COL11A1: variants seen among roughly 807,000 people sequenced by gnomAD.
COL11A1 encodes collagen alpha-1(XI) chain.
A neutral mutation model predicts 265.2 loss-of-function variants in COL11A1; 74 were observed. The observed-to-expected ratio is 0.28, with a 90% CI of 0.23 to 0.34. COL11A1 has a LOEUF of 0.34. Among genes scored for constraint, COL11A1 ranks in the 10% least tolerant of loss-of-function variants. The pLI is 1.00. For missense variants in COL11A1, 2,165 were observed against 2,263.6 expected (o/e 0.96, Z 0.88); for synonymous variants, 816 against 727.6 (o/e 1.12, Z -1.96).
At chr1:102,997,162 A>C (rs778469763) in intron 25 of COL11A1, 38 bp from the exon 26 acceptor site, 1 of 1,503,980 alleles carries the variant, frequency 6.6e-7, no homozygotes, top group Admixed American at 1.7e-5. Flanking sequence ...AAGATGTAAT[A>C]TAAACATAGT....
rs1665413534 is a variant in COL11A1, at chr1:103,004,504, T to C, written c.1900-16A>G. 1 of 1,609,822 alleles carries C rather than the reference T, an allele frequency of 6.2e-7. No individual in the cohort carries two copies. The highest frequency in any genetic ancestry group is 8.5e-7 in the Non-Finnish European group (1 of 1,176,892). On this transcript the variant is annotated splice_polypyrimidine_tract_variant and intron_variant, in intron 19 of 66. Transcript: ENST00000370096. ...CATCTTCTCCCTGTCATTGACAAAA[T>C]GAATGAGAGTATAGAACATTTGGAC...
rs540028442 is a variant in COL11A1 at position 103,070,446 on chromosome 1, C to T, written c.651+4172G>A. 2.0e-5 allele frequency among the ~76,000 whole-genome samples: 3 copies of T among 151,400 alleles called. No homozygotes were observed. In the East Asian group the frequency reaches 5.8e-4, roughly 29 times the overall value. On this transcript the variant is annotated intron_variant, in intron 4 of 66. Coordinates refer to ENST00000370096, the MANE Select transcript of COL11A1 (RefSeq NM_001854.4). The stretch of plus-strand genomic sequence containing the variant: ...ACAAGGGAAAAAAAACGAGTTAAAA[C>T]GAGTTAAGTTAAAATGAGTGCACCC...
chr1:102,988,099 G>A (rs144266155), intron 29 of COL11A1, among the ~76,000 whole-genome samples: 3 of 152,202 alleles, frequency 2.0e-5, no homozygotes, highest in African/African-American at 7.2e-5. Context: ...AATTACTCCT[G>A]TAAATAACAT....
At chr1:103,086,382 T>C (rs1053632260) in intron 1 of COL11A1, among the ~76,000 whole-genome samples, 2 of 152,098 alleles carry the variant, frequency 1.3e-5, no homozygotes, top group Non-Finnish European at 2.9e-5. Context: ...ATACATAAAA[T>C]GGACTGCAAA....
intron 52 of COL11A1, among the ~76,000 whole-genome samples, chr1:102,914,018 A>G (rs1655013151): frequency 6.6e-6 from 1 of 152,190 alleles, no homozygotes; most frequent in Admixed American, 6.5e-5. Flanking sequence ...TAGGATTTGC[A>G]TTATAGAAGA....
intron 31 of COL11A1, among the ~76,000 whole-genome samples, chr1:102,980,696 A>G (rs989233013): frequency 3.3e-5 from 5 of 152,062 alleles, no homozygotes; most frequent in African/African-American, 1.2e-4. Context: ...ACCCCTAAAA[A>G]TAATGTTTCT....
At chr1:103,018,072 C>G (rs1389228983) in intron 10 of COL11A1, among the ~76,000 whole-genome samples, 190 bp from the exon 11 acceptor site, 2 of 152,088 alleles carry the variant, frequency 1.3e-5, no homozygotes, top group African/African-American at 4.8e-5. Flanking sequence ...TTCAGCTGCT[C>G]TCAGGGTGGA....
At chr1:103,019,814 C>A (rs1291048582) in intron 9 of COL11A1, among the ~76,000 whole-genome samples, 1 of 148,278 alleles carries the variant, frequency 6.7e-6, no homozygotes, top group Non-Finnish European at 1.5e-5. Context: ...GTTCAATTCC[C>A]ACCTATGAGT....
At position 103,087,362 on chromosome 1, in the gene COL11A1, C is replaced by T. The variant is rs184870976; in HGVS notation, c.107-4390G>A. The stretch of plus-strand genomic sequence containing the variant: ...AACTGGGTTCCATACTTTTTCCCAT[C>T]AATCTTCATTCCACCAACTTGATTA... On this transcript the variant is annotated intron_variant, in intron 1 of 66. Transcript: ENST00000370096. Among the ~76,000 whole-genome samples the T allele has an allele frequency of 4.6e-5, 7 of 152,338 alleles. No homozygotes were observed. In the East Asian group the frequency reaches 1.2e-3, roughly 25 times the overall value.
At chr1:102,884,897 A>G (rs1650768093) in intron 63 of COL11A1, among the ~76,000 whole-genome samples, 2 of 152,170 alleles carry the variant, frequency 1.3e-5, no homozygotes, top group South Asian at 4.1e-4. Context: ...TTAGTATACC[A>G]TATGGATTTG....
intron 9 of COL11A1, among the ~76,000 whole-genome samples, chr1:103,021,457 T>C (rs764541893): frequency 6.6e-6 from 1 of 152,176 alleles, no homozygotes; most frequent in Non-Finnish European, 1.5e-5. Context: ...AGTTTTAAAA[T>C]GAGAGAATTA....
intron 8 of COL11A1, 21 bp downstream of exon 8, chr1:103,022,721 C>T (rs1667195925): frequency 1.9e-6 from 3 of 1,612,644 alleles, no homozygotes; most frequent in Non-Finnish European, 2.5e-6. Flanking sequence ...TACAATGACA[C>T]AGTGCATAGT....
chr1:102,940,386 G>A lies in COL11A1; in HGVS notation c.3325C>T (p.Pro1109Ser). The change falls in exon 43 of 67, where the codon CCT becomes TCT. Residue 1109 changes from proline to serine, a missense_variant. Coordinates refer to ENST00000370096, the MANE Select transcript of COL11A1 (RefSeq NM_001854.4). ...CCAGCTGGCCCTGGGAGACCAACAGGACCTTGAACTCCATCTCTCCCTGCA... is the reference window on the plus strand; with the variant it reads ...CCAGCTGGCCCTGGGAGACCAACAGAACCTTGAACTCCATCTCTCCCTGCA... Reference protein sequence around the residue: ...GPAGRDGVQGPVGLPGPAGPA... With the variant: ...GPAGRDGVQGSVGLPGPAGPA... 1.9e-6 allele frequency: 3 copies of A among 1,613,990 alleles called. No homozygotes were observed. Among genetic ancestry groups the A allele is most frequent in the Non-Finnish European group, 2.5e-6 (3 of 1,179,978 alleles).
At chr1:102,935,217 C>G in intron 44 of COL11A1, 104 bp from the exon 45 acceptor site, 1 of 860,450 alleles carries the variant, frequency 1.2e-6, no homozygotes, top group Non-Finnish European at 1.9e-6. Context: ...TTCTGCACTC[C>G]TTTGGAAAAA....
intron 4 of COL11A1, among the ~76,000 whole-genome samples, chr1:103,059,092 G>C (rs1193050904): frequency 2.6e-5 from 4 of 152,158 alleles, no homozygotes; most frequent in Non-Finnish European, 4.4e-5. Flanking sequence ...CTTTCAATTT[G>C]TAACAAGAGC....
chr1:102,915,640 T>C lies in COL11A1; in HGVS notation c.3807A>G (p.Ala1269=). The C allele has an allele frequency of 6.2e-7, 1 of 1,613,278 alleles. No homozygotes were observed. The highest frequency in any genetic ancestry group is 8.5e-7 in the Non-Finnish European group (1 of 1,179,288). The stretch of plus-strand genomic sequence containing the variant: ...ATAACACAGTACTTACGCCTACACC[T>C]GCTTCCCCAGGAGGCCCTGGGTTCC... ...EAGNPGPPGE[A]GVGGPKGERG... Residue 1269 remains alanine (A), a synonymous_variant, in exon 50 of 67, where the codon GCA becomes GCG. Coordinates refer to ENST00000370096, the MANE Select transcript of COL11A1 (RefSeq NM_001854.4).
At position 103,073,878 on chromosome 1, in the gene COL11A1, T is replaced by C. The variant is rs1258410179; in HGVS notation, c.651+740A>G. The stretch of plus-strand genomic sequence containing the variant: ...ATCTCCAGGTGAAACTGTCTATTAA[T>C]TTGTAATATATTACACAGCTTTACT... On this transcript the variant is annotated intron_variant, in intron 4 of 66. Transcript: ENST00000370096. 2.0e-5 allele frequency among the ~76,000 whole-genome samples: 3 copies of C among 152,016 alleles called. No individual in the cohort carries two copies. The East Asian group carries it at 5.8e-4, about 29-fold the overall frequency.
At position 102,883,315 on chromosome 1, in the gene COL11A1, G is replaced by A. The variant is rs762566719; in HGVS notation, c.4859-4C>T. ...TTAGGATCAATCCAATATTCACCTA[G>A]AAGGTAGCAAAAAATATGTCATATA... is the stretch of plus-strand genomic sequence containing the variant. On this transcript the variant is annotated splice_polypyrimidine_tract_variant and splice_region_variant and intron_variant, in intron 63 of 66. Coordinates refer to ENST00000370096, the MANE Select transcript of COL11A1 (RefSeq NM_001854.4). The A allele has an allele frequency of 1.3e-6, 2 of 1,571,164 alleles. No individual in the cohort carries two copies. The highest frequency in any genetic ancestry group is 2.2e-5 in the South Asian group (2 of 90,242).
intron 47 of COL11A1, 50 bp from the exon 48 acceptor site, chr1:102,921,621 T>G: frequency 2.1e-6 from 3 of 1,428,384 alleles, no homozygotes; most frequent in Non-Finnish European, 2.9e-6. Context: ...CAAATGTGTT[T>G]CCAACATTTT....
Sources: allele counts gnomAD v4.1 joint callset (sites outside exome capture counted in the v4.1 genomes callset), GRCh38; gene constraint gnomAD v4.1.1; transcripts MANE v1.5; gene names NCBI Gene and HGNC (gene_info 2026-07-23, HGNC 2026-07-21).